SGCZ: variants seen among roughly 807,000 people sequenced by gnomAD.
SGCZ encodes the protein sarcoglycan zeta.
In SGCZ, 40 loss-of-function variants were observed where a neutral mutation model predicts 41.3. The ratio of observed to expected loss-of-function variants is 0.97; its 90% CI spans 0.75 to 1.26. The LOEUF (loss-of-function observed/expected upper bound fraction) is 1.26, where lower values mean the gene tolerates loss of function less well. Among genes scored for constraint, SGCZ ranks in the 50% most tolerant of loss-of-function variants. The pLI is 0.00. For missense variants in SGCZ, 552 were observed against 369.8 expected, an observed-to-expected ratio of 1.49 and a Z score of -4.04; for synonymous variants, 206 against 137.5, an observed-to-expected ratio of 1.50 and a Z score of -3.49.
In SGCZ at chr8:14,265,051, G is replaced by A. The variant is rs1474698709; in HGVS notation, c.337-27372C>T. On this transcript the variant is annotated intron_variant, in intron 3 of 7. Transcript: ENST00000382080. ...ATTCCTAATTTTTCAGTATGCAGGT[G>A]TCATTGCATATCCACAAACATCAAG... Among the ~76,000 whole-genome samples the A allele has an allele frequency of 2.6e-5, 4 of 152,178 alleles. No individual in the cohort carries two copies. The East Asian group carries it at 7.7e-4, about 29-fold the overall frequency.
At chr8:14,620,924 C>A (rs890872253) in intron 1 of SGCZ, among the ~76,000 whole-genome samples, 20 of 152,096 alleles carry the variant, frequency 1.3e-4, no homozygotes, top group Admixed American at 3.9e-4. Flanking sequence ...TTTGACCCAG[C>A]CATCCCATTA....
intron 1 of SGCZ, among the ~76,000 whole-genome samples, chr8:15,177,864 G>T (rs1338126204): frequency 1.3e-5 from 2 of 152,140 alleles, no homozygotes; most frequent in African/African-American, 2.4e-5. Flanking sequence ...GACACTTGGG[G>T]AAGCTATGAA....
At chr8:14,456,345 T>C (rs987803167) in intron 2 of SGCZ, among the ~76,000 whole-genome samples, 33 of 151,982 alleles carry the variant, frequency 2.2e-4, no homozygotes, top group Non-Finnish European at 2.9e-5. Context: ...GAGGCAGAGG[T>C]TGCAGAGAGC....
intron 2 of SGCZ, among the ~76,000 whole-genome samples, chr8:14,409,785 G>A (rs1345115670): frequency 6.6e-6 from 1 of 152,012 alleles, no homozygotes; most frequent in African/African-American, 2.4e-5. Context: ...CACATACTTG[G>A]AAAGTAGATT....
At chr8:15,032,584 C>G (rs1398739261) in intron 1 of SGCZ, among the ~76,000 whole-genome samples, 1 of 152,114 alleles carries the variant, frequency 6.6e-6, no homozygotes, top group Non-Finnish European at 1.5e-5. Context: ...TCAGCAGACT[C>G]AGTCTCTGGG....
intron 4 of SGCZ, among the ~76,000 whole-genome samples, chr8:14,176,591 A>G (rs1178774866): frequency 1.3e-5 from 2 of 152,184 alleles, no homozygotes; most frequent in Non-Finnish European, 2.9e-5. Flanking sequence ...AGAAACTAAT[A>G]AATATAAAAG....
intron 1 of SGCZ, among the ~76,000 whole-genome samples, chr8:14,897,482 G>T (rs915086848): frequency 8.5e-5 from 13 of 152,110 alleles, no homozygotes; most frequent in African/African-American, 3.1e-4. Context: ...TGGCTCTTCT[G>T]TTCTCACAGG....
chr8:14,253,198 CATATGCTTCTAAAA>C (rs11271502), intron 3 of SGCZ, among the ~76,000 whole-genome samples: 100,745 of 150,766 alleles, frequency 0.67, 34,051 homozygotes, highest in South Asian at 0.78. Flanking sequence ...CATATATTAT[CATATGCTTCTAAAA>C]ATATGCTTCT....
intron 1 of SGCZ, among the ~76,000 whole-genome samples, chr8:15,011,405 A>G (rs977692223): frequency 6.6e-6 from 1 of 152,234 alleles, no homozygotes; most frequent in African/African-American, 2.4e-5. Flanking sequence ...CAATTCAAGT[A>G]CAGCTTTTTA....
At chr8:15,004,604 G>A (rs556333595) in intron 1 of SGCZ, among the ~76,000 whole-genome samples, 2 of 152,270 alleles carry the variant, frequency 1.3e-5, no homozygotes, top group Non-Finnish European at 2.9e-5. Flanking sequence ...CTTTCAGAGT[G>A]TACCGTTTCT....
At chr8:14,612,441 G>C (rs1379175943) in intron 1 of SGCZ, among the ~76,000 whole-genome samples, 1 of 152,172 alleles carries the variant, frequency 6.6e-6, no homozygotes, top group East Asian at 1.9e-4. Context: ...ATAAGGAAGT[G>C]TGAGTCAATT....
chr8:14,885,247 C>T (rs1804744454), intron 1 of SGCZ, among the ~76,000 whole-genome samples: 2 of 152,064 alleles, frequency 1.3e-5, no homozygotes, highest in African/African-American at 4.8e-5. Context: ...TGAGTTTTAC[C>T]TAGCATTGTA....
At chr8:14,154,455 T>C (rs763641209) in intron 5 of SGCZ, among the ~76,000 whole-genome samples, 6 of 152,206 alleles carry the variant, frequency 3.9e-5, no homozygotes, top group Admixed American at 3.9e-4. Context: ...TATTTTGTTA[T>C]GGGACCCTAA....
At chr8:14,403,165 C>G (rs1799123896) in intron 2 of SGCZ, among the ~76,000 whole-genome samples, 1 of 150,168 alleles carries the variant, frequency 6.7e-6, no homozygotes, top group Admixed American at 6.6e-5. Context: ...GCTGAAGTTG[C>G]TTATCAGCTT....
intron 1 of SGCZ, among the ~76,000 whole-genome samples, chr8:15,083,645 C>T (rs1005492703): frequency 2.0e-5 from 3 of 152,158 alleles, no homozygotes; most frequent in Admixed American, 6.5e-5. Flanking sequence ...ACCTCCCAGG[C>T]TCAAGCAATC....
chr8:14,347,471 G>C (rs1014273809), intron 2 of SGCZ, among the ~76,000 whole-genome samples: 7 of 151,892 alleles, frequency 4.6e-5, no homozygotes, highest in African/African-American at 1.7e-4. Context: ...GAAATTGTGT[G>C]ACTTTTCTTT....
chr8:15,208,393 T>G (rs1441204018), intron 1 of SGCZ, among the ~76,000 whole-genome samples: 1 of 152,228 alleles, frequency 6.6e-6, no homozygotes, highest in African/African-American at 2.4e-5. Flanking sequence ...TAATGACTCT[T>G]TTATATTTAA....
At chr8:14,522,985 T>G (rs2117104583) in intron 2 of SGCZ, among the ~76,000 whole-genome samples, 1 of 152,060 alleles carries the variant, frequency 6.6e-6, no homozygotes, top group East Asian at 1.9e-4. Context: ...TATAATATTT[T>G]GGAGGTTACT....
intron 1 of SGCZ, among the ~76,000 whole-genome samples, chr8:14,704,427 T>C (rs1809263764): frequency 6.6e-6 from 1 of 152,052 alleles, no homozygotes; most frequent in Non-Finnish European, 1.5e-5. Context: ...AAATTAAATT[T>C]TGATAAGTTT....
Sources: gnomAD v4.1 joint callset for allele counts (sites outside exome capture counted in the v4.1 genomes callset) on GRCh38, gnomAD v4.1.1 for gene constraint, MANE v1.5 for transcripts, NCBI Gene and HGNC (gene_info 2026-07-23, HGNC 2026-07-21) for gene names.